Variants in TMOD1 observed in about 807,000 individuals in gnomAD.
TMOD1 encodes tropomodulin-1.
TMOD1 carries 17 observed loss-of-function variants against 40.6 expected under a neutral mutation model. The ratio of observed to expected loss-of-function variants is 0.42; its 90% CI spans 0.29 to 0.63. The LOEUF (loss-of-function observed/expected upper bound fraction) is 0.63. Among genes scored for constraint, TMOD1 ranks in the 20% least tolerant of loss-of-function variants. The pLI, the probability that TMOD1 is intolerant of heterozygous loss-of-function variation, is 0.22. For missense variants in TMOD1, 391 were observed against 447.6 expected (o/e 0.87, Z 1.14); for synonymous variants, 181 against 175.0 (o/e 1.03, Z -0.27).
intron 8 of TMOD1, among the ~76,000 whole-genome samples, chr9:97,570,784 A>C: frequency 6.6e-6 from 1 of 152,212 alleles, no homozygotes; most frequent in East Asian, 1.9e-4. Flanking sequence ...TTCACAGCAC[A>C]ATGAGGTAGC....
chr9:97,599,512 C>G, intron 9 of TMOD1, 122 bp from the exon 10 acceptor site: 2 of 1,240,982 alleles, frequency 1.6e-6, no homozygotes, highest in Non-Finnish European at 2.3e-6. Context: ...TTCAAAACAA[C>G]AGACTTCAGA....
chr9:97,546,923 C>T (rs56236131), intron 3 of TMOD1, among the ~76,000 whole-genome samples: 24,504 of 131,264 alleles, frequency 0.19, 2,716 homozygotes, highest in Middle Eastern at 0.3. Context: ...AGTAAGACTC[C>T]GTCTCCAAAA....
At chr9:97,511,946 G>A (rs529486856) in intron 1 of TMOD1, among the ~76,000 whole-genome samples, 2 of 152,248 alleles carry the variant, frequency 1.3e-5, no homozygotes, top group South Asian at 4.2e-4. Context: ...CTACTTCCTG[G>A]TAATTTCAAT....
At chr9:97,552,285 A>G (rs1316557941) in intron 3 of TMOD1, among the ~76,000 whole-genome samples, 1 of 151,800 alleles carries the variant, frequency 6.6e-6, no homozygotes, top group Non-Finnish European at 1.5e-5. Context: ...CCTCACTTCT[A>G]TCAGGTCCCA....
intron 4 of TMOD1, among the ~76,000 whole-genome samples, chr9:97,555,281 C>T (rs924506510): frequency 1.3e-5 from 2 of 152,186 alleles, no homozygotes; most frequent in African/African-American, 4.8e-5. Flanking sequence ...ATCTGTGAGG[C>T]AGGGAGGTGG....
chr9:97,580,990 C>A (rs997140593), intron 8 of TMOD1, among the ~76,000 whole-genome samples: 6 of 27,284 alleles, frequency 2.2e-4, no homozygotes, highest in East Asian at 9.8e-4. Flanking sequence ...TATTTTATTT[C>A]TTTTTTCTTT....
At chr9:97,591,084 G>T (rs972582500) in intron 8 of TMOD1, among the ~76,000 whole-genome samples, 1 of 152,154 alleles carries the variant, frequency 6.6e-6, no homozygotes, top group African/African-American at 2.4e-5. Flanking sequence ...TTGGCATCCA[G>T]CAGACCTGAA....
intron 8 of TMOD1, among the ~76,000 whole-genome samples, chr9:97,576,830 C>T (rs186348532): frequency 3.6e-4 from 55 of 151,748 alleles, no homozygotes; most frequent in Admixed American, 9.2e-4. Context: ...TAGTAGAGAC[C>T]GGGTTTCACC....
At chr9:97,586,599 C>A (rs1267517473) in intron 8 of TMOD1, among the ~76,000 whole-genome samples, 1 of 152,070 alleles carries the variant, frequency 6.6e-6, no homozygotes, top group Non-Finnish European at 1.5e-5. Context: ...CGCCCCTCCC[C>A]CAGCCTCGCT....
Position 97,546,321 on chromosome 9 carries a change from C to T in TMOD1, c.257C>T (p.Pro86Leu). 1 of 1,613,780 alleles carries T rather than the reference C, an allele frequency of 6.2e-7. No homozygotes were observed. The highest frequency in any genetic ancestry group is 8.5e-7 in the Non-Finnish European group (1 of 1,179,902). The change falls in exon 3 of 10, where the codon CCC becomes CTC. Residue 86 changes from proline (P) to leucine (L), a missense_variant. By Grantham distance (98) the Pro-to-Leu change is moderately conservative. Coordinates refer to ENST00000259365, the MANE Select transcript of TMOD1 (RefSeq NM_003275.4). ...TTTAAGGACCGAGAAGATCTGGTCC[C>T]CTACACAGGGGAAAAACGAGGTACT... ...KEFKDREDLV[P>L]YTGEKRGKVW... is the part of the protein sequence containing the mutation.
intron 1 of TMOD1, among the ~76,000 whole-genome samples, chr9:97,509,543 C>G (rs1351224182): frequency 2.8e-5 from 4 of 140,826 alleles, no homozygotes; most frequent in African/African-American, 1.1e-4. Context: ...CAAGGTCTCA[C>G]TCTTTCACCC....
intron 4 of TMOD1, among the ~76,000 whole-genome samples, chr9:97,558,848 C>T (rs550585393): frequency 2.0e-5 from 3 of 152,294 alleles, no homozygotes; most frequent in Admixed American, 6.5e-5. Flanking sequence ...CTCCATTTTA[C>T]AGGTGAGAAA....
intron 8 of TMOD1, among the ~76,000 whole-genome samples, chr9:97,569,467 T>G (rs1038516762): frequency 5.3e-5 from 8 of 152,238 alleles, no homozygotes; most frequent in Non-Finnish European, 1.2e-4. Flanking sequence ...CCAGTTTTCT[T>G]CATTCACCCC....
intron 8 of TMOD1, among the ~76,000 whole-genome samples, chr9:97,576,892 G>C (rs748476868): frequency 6.6e-6 from 1 of 152,084 alleles, no homozygotes; most frequent in African/African-American, 2.4e-5. Flanking sequence ...GCCCACCTCG[G>C]CCTCCCAAAT....
At chr9:97,556,601 G>A (rs897103837) in intron 4 of TMOD1, among the ~76,000 whole-genome samples, 9 of 152,208 alleles carry the variant, frequency 5.9e-5, no homozygotes, top group Admixed American at 5.9e-4. Context: ...CACAGTCAGT[G>A]CTGTCCATTT....
intron 2 of TMOD1, among the ~76,000 whole-genome samples, chr9:97,531,903 G>C: frequency 6.6e-6 from 1 of 152,152 alleles, no homozygotes; most frequent in East Asian, 1.9e-4. Flanking sequence ...GGAAAGAGGG[G>C]TAAGGACTCA....
Position 97,557,890 on chromosome 9 carries a change from G to A in TMOD1, c.397+4490G>A, listed in dbSNP as rs1257842588. Among the ~76,000 whole-genome samples, 2 of 151,590 alleles carry A rather than the reference G, an allele frequency of 1.3e-5. No homozygotes were observed. The highest frequency in any genetic ancestry group is 2.9e-5 in the Non-Finnish European group (2 of 67,900). On this transcript the variant is annotated intron_variant, in intron 4 of 9. Transcript: ENST00000259365. The surrounding 1 kb of genome is among the most constrained non-coding windows in gnomAD (Gnocchi z 4.4). The stretch of plus-strand genomic sequence containing the variant: ...AGACTTAAAAAAAAAAAAAAATCAA[G>A]TTCCCCAGTGCTAAATTCAGCCTTG...
chr9:97,566,491 T>G (rs886154389), intron 7 of TMOD1, among the ~76,000 whole-genome samples: 4 of 152,050 alleles, frequency 2.6e-5, no homozygotes, highest in Middle Eastern at 6.8e-3. Context: ...GCCAACATGG[T>G]GAAACCCCGT....
intron 2 of TMOD1, among the ~76,000 whole-genome samples, chr9:97,527,525 C>T (rs951130471): frequency 1.3e-5 from 2 of 152,152 alleles, no homozygotes; most frequent in Non-Finnish European, 2.9e-5. Context: ...CGAGTGAGGG[C>T]CTTTGAGAAA....
Sources: gnomAD v4.1 joint callset for allele counts (sites outside exome capture counted in the v4.1 genomes callset) on GRCh38, gnomAD v4.1.1 for gene constraint, Gnocchi (gnomAD v3.1) non-coding constraint, MANE v1.5 for transcripts, NCBI Gene and HGNC (gene_info 2026-07-23, HGNC 2026-07-21) for gene names.